NRXN3: variants seen among roughly 807,000 people sequenced by gnomAD.
NRXN3 encodes neurexin III.
Under a neutral mutation model 137.6 loss-of-function variants are expected in NRXN3, and 32 were observed. The ratio of observed to expected loss-of-function variants is 0.23; its 90% CI spans 0.18 to 0.31. The LOEUF is 0.31. Ranked by LOEUF, NRXN3 falls within the 10% of genes least tolerant of loss-of-function variation. The pLI, the probability that NRXN3 is intolerant of heterozygous loss-of-function variation, is 1.00. For synonymous variants in NRXN3, 798 were observed against 784.5 expected (o/e 1.02, Z -0.29); for missense variants, 1,574 against 2,062.5 (o/e 0.76, Z 4.59).
chr14:79,282,355 G>A (rs1480236074), intron 15 of NRXN3, among the ~76,000 whole-genome samples: 1 of 152,152 alleles, frequency 6.6e-6, no homozygotes, highest in Non-Finnish European at 1.5e-5. Context: ...TCAGCAGGGA[G>A]AGGAAGATTA....
chr14:78,246,426 C>T (rs1398472388), intron 2 of NRXN3, among the ~76,000 whole-genome samples: 1 of 151,994 alleles, frequency 6.6e-6, no homozygotes, highest in Non-Finnish European at 1.5e-5. Context: ...CGGATTGATA[C>T]CCCTATCTGT....
chr14:78,248,526 A>G lies in NRXN3; in HGVS notation c.709+4724A>G, dbSNP rs111761299. 4.9e-3 allele frequency among the ~76,000 whole-genome samples: 739 copies of G among 151,950 alleles called. 3 individuals carry two copies. The highest frequency in any genetic ancestry group is 6.7e-3 in the Admixed American group (102 of 15,276). ...ACCAAGAGGAGGCTGCTTATCCCTG[A>G]GCATTTACTGAGGTCCAGAGACATC... is the stretch of plus-strand genomic sequence containing the variant. On this transcript the variant is annotated intron_variant, in intron 2 of 20. Transcript: ENST00000335750.
At chr14:78,965,196 G>A (rs1440209002) in intron 11 of NRXN3, among the ~76,000 whole-genome samples, 2 of 152,148 alleles carry the variant, frequency 1.3e-5, no homozygotes, top group African/African-American at 4.8e-5. Context: ...GTGTGGCCGG[G>A]ATGGCTTGGG....
intron 15 of NRXN3, among the ~76,000 whole-genome samples, chr14:79,219,346 G>T (rs1019598656): frequency 2.0e-5 from 3 of 152,054 alleles, no homozygotes; most frequent in Non-Finnish European, 2.9e-5. Context: ...GCCCAGGCTG[G>T]TCTCAACTCC....
chr14:79,060,557 A>G (rs549057078), intron 15 of NRXN3, among the ~76,000 whole-genome samples: 1 of 152,264 alleles, frequency 6.6e-6, no homozygotes, highest in East Asian at 1.9e-4. Flanking sequence ...TTTTTAGCAT[A>G]AAGTGCTGTG....
chr14:78,314,837 A>G (rs952215350), intron 4 of NRXN3, among the ~76,000 whole-genome samples: 1 of 151,396 alleles, frequency 6.6e-6, no homozygotes, highest in African/African-American at 2.4e-5. Flanking sequence ...TCATTTTTCT[A>G]TTACACACAT....
chr14:79,834,545 ATC>A (rs1463924839), intron 20 of NRXN3, among the ~76,000 whole-genome samples: 5 of 152,178 alleles, frequency 3.3e-5, no homozygotes, highest in African/African-American at 1.2e-4. Context: ...TTATTTATCT[ATC>A]TATCAAAATG....
At chr14:78,400,330 G>A (rs2153653724) in intron 4 of NRXN3, among the ~76,000 whole-genome samples, 1 of 152,290 alleles carries the variant, frequency 6.6e-6, no homozygotes, top group South Asian at 2.1e-4. Flanking sequence ...TCGAAGTAAA[G>A]TTTCAGCTGT....
At chr14:79,785,891 C>G (rs534468989) in intron 19 of NRXN3, among the ~76,000 whole-genome samples, 1 of 152,068 alleles carries the variant, frequency 6.6e-6, no homozygotes, top group Non-Finnish European at 1.5e-5. Context: ...TGAACCATCT[C>G]TTAAGAAACA....
intron 14 of NRXN3, among the ~76,000 whole-genome samples, chr14:78,973,505 T>C (rs2153021293): frequency 6.6e-6 from 1 of 152,340 alleles, no homozygotes; most frequent in African/African-American, 2.4e-5. Flanking sequence ...ATATTTTCTA[T>C]TGGGGATTTT....
chr14:78,509,933 G>C (rs1025498038), intron 4 of NRXN3, among the ~76,000 whole-genome samples: 2 of 151,930 alleles, frequency 1.3e-5, no homozygotes, highest in African/African-American at 4.8e-5. Flanking sequence ...GAAAGTAAAG[G>C]TTCTGAGACT....
chr14:79,444,102 A>G (rs982032479), intron 15 of NRXN3, among the ~76,000 whole-genome samples: 2 of 152,212 alleles, frequency 1.3e-5, no homozygotes, highest in Non-Finnish European at 2.9e-5. Flanking sequence ...AATGCCATGA[A>G]GTAGTGGGAC....
At chr14:78,741,992 T>C (rs770339849) in intron 8 of NRXN3, among the ~76,000 whole-genome samples, 1 of 152,166 alleles carries the variant, frequency 6.6e-6, no homozygotes, top group African/African-American at 2.4e-5. Flanking sequence ...CTTTGAACCC[T>C]TACTTTGAGC....
intron 1 of NRXN3, among the ~76,000 whole-genome samples, chr14:78,198,635 A>G (rs1323427544): frequency 6.6e-6 from 1 of 152,226 alleles, no homozygotes; most frequent in Non-Finnish European, 1.5e-5. Flanking sequence ...AGCCTGTCCC[A>G]TTCCTTATAT....
At chr14:79,042,930 C>A (rs117466713) in intron 15 of NRXN3, among the ~76,000 whole-genome samples, 2 of 151,628 alleles carry the variant, frequency 1.3e-5, no homozygotes, top group African/African-American at 4.8e-5. Flanking sequence ...ATTATCACTG[C>A]AGTAGAATGG....
Position 79,819,300 on chromosome 14 carries a change from AT to A in NRXN3, c.4093+14113del, listed in dbSNP as rs1350347431. Reference sequence around the variant, plus strand: ...TTTCCAAAAGCAGAGATGGAGCTGGATTTGGCTCAGAGGTCATAGTTTACCC... The same window carrying A: ...TTTCCAAAAGCAGAGATGGAGCTGGATTGGCTCAGAGGTCATAGTTTACCC... On this transcript the variant is annotated intron_variant, in intron 20 of 20. Coordinates refer to ENST00000335750, the MANE Select transcript of NRXN3 (RefSeq NM_001330195.2). 4.6e-5 allele frequency among the ~76,000 whole-genome samples: 7 copies of A among 152,172 alleles called. No homozygotes were observed. The East Asian group carries it at 1.4e-3, about 29-fold the overall frequency.
intron 20 of NRXN3, among the ~76,000 whole-genome samples, chr14:79,831,185 G>A (rs2141248637): frequency 6.6e-6 from 1 of 152,296 alleles, no homozygotes; most frequent in East Asian, 1.9e-4. Flanking sequence ...ATCACCAGCT[G>A]TGTCATTTTG....
At chr14:78,432,693 T>C (rs1019797088) in intron 4 of NRXN3, among the ~76,000 whole-genome samples, 3 of 152,214 alleles carry the variant, frequency 2.0e-5, no homozygotes, top group Non-Finnish European at 2.9e-5. Context: ...CACCTTCCTC[T>C]TGTCCTAATA....
intron 15 of NRXN3, among the ~76,000 whole-genome samples, chr14:79,105,062 T>C (rs2052137001): frequency 6.6e-6 from 1 of 152,122 alleles, no homozygotes; most frequent in Non-Finnish European, 1.5e-5. Context: ...TTAAGTAATA[T>C]GGTTTTCTTG....
Sources: gnomAD v4.1 joint callset for allele counts (sites outside exome capture counted in the v4.1 genomes callset) on GRCh38, gnomAD v4.1.1 for gene constraint, MANE v1.5 for transcripts, NCBI Gene and HGNC (gene_info 2026-07-23, HGNC 2026-07-21) for gene names.